PRKD3: variants seen among roughly 807,000 people sequenced by gnomAD.
The protein encoded by PRKD3 is protein kinase D3.
In PRKD3, 47 loss-of-function variants were observed where a neutral mutation model predicts 99.2. The observed-to-expected ratio is 0.47, with a 90% CI of 0.38 to 0.60. The LOEUF (loss-of-function observed/expected upper bound fraction) is 0.60, where lower values mean the gene tolerates loss of function less well. Among genes scored for constraint, PRKD3 ranks in the 20% least tolerant of loss-of-function variants. PRKD3 has a pLI of 0.00. For missense variants in PRKD3, 1,019 were observed against 1,088.4 expected (o/e 0.94, Z 0.90); for synonymous variants, 392 against 355.4 (o/e 1.10, Z -1.16).
chr2:37,289,546 T>A, intron 4 of PRKD3, 33 bp from the exon 5 acceptor site: 2 of 1,526,742 alleles, frequency 1.3e-6, no homozygotes, highest in African/African-American at 1.4e-5. Flanking sequence ...AATATAAGAT[T>A]TAAAAAAAAA....
intron 14 of PRKD3, among the ~76,000 whole-genome samples, 168 bp downstream of exon 14, chr2:37,267,262 A>C (rs1031518797): frequency 6.6e-6 from 1 of 152,046 alleles, no homozygotes; most frequent in Admixed American, 6.5e-5. Context: ...TACTCACGAA[A>C]ATGTGTTCTA....
In PRKD3 at chr2:37,316,493, T is replaced by G; in HGVS notation, c.32A>C (p.Gln11Pro). MSANNSPPSAQKSVLPTAIPA... is the reference protein window; with the variant it reads MSANNSPPSAPKSVLPTAIPA... ...AATAGCTGTGGGTAATACAGACTTC[T>G]GGGCTGATGGAGGGGAATTATTTGC... is the stretch of plus-strand genomic sequence containing the variant. Residue 11 changes from glutamine to proline, a missense_variant, in exon 2 of 19, where the codon CAG (glutamine) becomes CCG (proline). Around this residue, in one of 3 missense-constraint regions of PRKD3, gnomAD observed 710 missense variants for 692.7 expected, o/e 1.02. Coordinates refer to ENST00000234179, the MANE Select transcript of PRKD3 (RefSeq NM_005813.6). The G allele has an allele frequency of 6.2e-7, 1 of 1,614,048 alleles. No individual in the cohort carries two copies. The highest frequency in any genetic ancestry group is 8.5e-7 in the Non-Finnish European group (1 of 1,179,922).
At chr2:37,320,764 T>A (rs78677832) in intron 1 of PRKD3, among the ~76,000 whole-genome samples, 1 of 152,310 alleles carries the variant, frequency 6.6e-6, no homozygotes, top group East Asian at 1.9e-4. Flanking sequence ...ATGAATGTCT[T>A]CCCACTAAAT....
Position 37,293,148 on chromosome 2 carries a change from C to T in PRKD3, c.412G>A (p.Glu138Lys), listed in dbSNP as rs1670518720. The T allele has an allele frequency of 6.3e-6, 10 of 1,581,876 alleles. No homozygotes were observed. Among genetic ancestry groups the T allele is most frequent in the Non-Finnish European group, 8.7e-6 (10 of 1,154,726 alleles). The change falls in exon 3 of 19, where the codon GAA becomes AAA. Residue 138 changes from glutamate to lysine, a missense_variant. By Grantham distance (56) the Glu-to-Lys change is moderately conservative. Transcript: ENST00000234179. ...ADEIHEGDLVEVVLSALATVE... is the reference protein window; with the variant it reads ...ADEIHEGDLVKVVLSALATVE... ...ACTTACTTACCTGAAAGAACCACTT[C>T]CACTAGGTCTCCTTCATGTATTTCA...
In PRKD3 at chr2:37,303,549, G is replaced by A. The variant is rs900426859; in HGVS notation, c.289-10278C>T. On this transcript the variant is annotated intron_variant, in intron 2 of 18. Transcript: ENST00000234179. ...GCCCTTAGGTTGAAGGGCCCCACAG[G>A]TATGAAGTCTGCTCCTGCCATCACT... is the stretch of plus-strand genomic sequence containing the variant. 5.9e-5 allele frequency among the ~76,000 whole-genome samples: 9 copies of A among 152,090 alleles called. No homozygotes were observed. The South Asian group carries it at 8.3e-4, about 14-fold the overall frequency.
rs998476357 is a variant in PRKD3 at position 37,302,861 on chromosome 2, G to C, written c.289-9590C>G. On this transcript the variant is annotated intron_variant, in intron 2 of 18. Transcript: ENST00000234179. ...AGGCAGAGAAATACTAGGCAGACAG[G>C]GGTGGGTCCTGGCGAAACCCCACCT... 8.5e-5 allele frequency among the ~76,000 whole-genome samples: 13 copies of C among 152,178 alleles called. No individual in the cohort carries two copies. The East Asian group carries it at 1.2e-3, about 14-fold the overall frequency.
intron 5 of PRKD3, among the ~76,000 whole-genome samples, chr2:37,287,005 C>A (rs969833571): frequency 3.3e-5 from 5 of 151,550 alleles, no homozygotes; most frequent in Middle Eastern, 3.2e-3. Flanking sequence ...CCGAGGTGGG[C>A]GGATCACCTG....
At chr2:37,292,350 CTT>C (rs987226119) in intron 3 of PRKD3, among the ~76,000 whole-genome samples, 8 of 142,984 alleles carry the variant, frequency 5.6e-5, no homozygotes, top group Admixed American at 7.0e-5. Context: ...TGATTTTTTC[CTT>C]TTTTTTTTTT....
At chr2:37,314,986 C>T (rs962131300) in intron 2 of PRKD3, among the ~76,000 whole-genome samples, 4 of 151,732 alleles carry the variant, frequency 2.6e-5, no homozygotes, top group South Asian at 2.1e-4. Flanking sequence ...TCACAAACTG[C>T]ACAACATCTT....
chr2:37,323,651 G>T (rs952625890), intron 1 of PRKD3, among the ~76,000 whole-genome samples: 3 of 151,954 alleles, frequency 2.0e-5, no homozygotes, highest in African/African-American at 7.3e-5. Context: ...AAAAATGTAA[G>T]AACGACGACA....
chr2:37,265,251 C>T (rs983564612), intron 14 of PRKD3, among the ~76,000 whole-genome samples: 2 of 152,144 alleles, frequency 1.3e-5, no homozygotes, highest in Admixed American at 1.3e-4. Flanking sequence ...GGTGTGAGTG[C>T]GTTTAACAGT....
intron 14 of PRKD3, among the ~76,000 whole-genome samples, chr2:37,264,526 T>TGGGGGGGGGGGGGGGGG (rs1558532428): frequency 1.1e-4 from 1 of 9,434 alleles, no homozygotes; most frequent in South Asian, 3.3e-3. Context: ...AGTGGAGGGG[T>TGGGGGGGGGGGGGGGGG]GGGAGGGTGG....
intron 1 of PRKD3, among the ~76,000 whole-genome samples, chr2:37,322,178 A>G (rs1044327397): frequency 1.3e-5 from 2 of 152,186 alleles, no homozygotes; most frequent in African/African-American, 4.8e-5. Flanking sequence ...CCAGCGTCCT[A>G]AAGTCCATGT....
intron 12 of PRKD3, among the ~76,000 whole-genome samples, chr2:37,269,916 A>C (rs1379619699): frequency 6.6e-6 from 1 of 152,226 alleles, no homozygotes; most frequent in Non-Finnish European, 1.5e-5. Context: ...CAGGAAAAAA[A>C]TGCTTTGCAT....
At chr2:37,279,209 A>C (rs549010652) in intron 8 of PRKD3, 3 of 152,286 alleles carry the variant, frequency 2.0e-5, no homozygotes, top group Non-Finnish European at 4.4e-5. Context: ...CAAAAATTGA[A>C]TTTCTATGAA....
Position 37,274,624 on chromosome 2 carries a change from G to A in PRKD3, c.1448C>T (p.Pro483Leu). 1 of 1,613,978 alleles carries A rather than the reference G, an allele frequency of 6.2e-7. No individual in the cohort carries two copies. The highest frequency in any genetic ancestry group is 1.1e-5 in the South Asian group (1 of 91,082). Reference sequence around the variant, plus strand: ...ATCAGTAATGATTTCAAAACAGTGTGGATTGCTGCCTTGTGAAATGTTTGT... The same window carrying A: ...ATCAGTAATGATTTCAAAACAGTGTAGATTGCTGCCTTGTGAAATGTTTGT... ...DFTNISQGSN[P>L]HCFEIITDTM... Residue 483 changes from proline (P) to leucine (L), a missense_variant, in exon 11 of 19, where the codon CCA becomes CTA. Pro to Leu is a moderately conservative substitution (Grantham distance 98, BLOSUM62 -3). This residue lies in a region of PRKD3 where 710 missense variants were observed against 692.7 expected (regional missense o/e 1.02). Coordinates refer to ENST00000234179, the MANE Select transcript of PRKD3 (RefSeq NM_005813.6).
intron 11 of PRKD3, among the ~76,000 whole-genome samples, chr2:37,274,038 A>G (rs998150562): frequency 6.6e-5 from 10 of 152,222 alleles, no homozygotes; most frequent in African/African-American, 2.4e-4. Flanking sequence ...AGTAGCAGGC[A>G]TAATCCAATG....
intron 15 of PRKD3, among the ~76,000 whole-genome samples, chr2:37,259,985 T>G (rs1668287816): frequency 6.6e-6 from 1 of 152,004 alleles, no homozygotes. Flanking sequence ...GCCAACACGG[T>G]GAAACCCCAG....
At chr2:37,322,644 C>T (rs2124913806) in intron 1 of PRKD3, among the ~76,000 whole-genome samples, 1 of 152,326 alleles carries the variant, frequency 6.6e-6, no homozygotes, top group East Asian at 1.9e-4. Context: ...CAATTTCTCA[C>T]ATACTGCCAC....
Sources: gnomAD v4.1 joint callset for allele counts (sites outside exome capture counted in the v4.1 genomes callset) on GRCh38, gnomAD v4.1.1 for gene constraint, gnomAD v4.1.1 regional missense constraint, MANE v1.5 for transcripts, NCBI Gene and HGNC (gene_info 2026-07-23, HGNC 2026-07-21) for gene names.